The following ARMCX4 variants were observed in gnomAD, a reference collection of about 807,000 sequenced individuals.
ARMCX4 encodes the protein armadillo repeat containing X-linked 4.
Under a neutral mutation model 34.7 loss-of-function variants are expected in ARMCX4, and 3 were observed. That is an observed-to-expected ratio of 0.09 (90% confidence interval 0.04 to 0.22). The LOEUF is 0.22. Ranked by LOEUF, ARMCX4 falls within the 10% of genes least tolerant of loss-of-function variation. ARMCX4 has a pLI of 1.00. For missense variants in ARMCX4, 1,448 were observed against 1,720.8 expected, an observed-to-expected ratio of 0.84 and a Z score of 2.81; for synonymous variants, 513 against 632.8, an observed-to-expected ratio of 0.81 and a Z score of 2.84.
chrX:101,511,762 T>G (rs1304651199), intron 11 of ARMCX4, among the ~76,000 whole-genome samples: 1 of 111,094 alleles, frequency 9.0e-6, no homozygotes, highest in Non-Finnish European at 1.9e-5. Context: ...AGGTACTTTT[T>G]ATTAGGCTAA....
At chrX:101,528,383 A>C (rs181923056) in intron 11 of ARMCX4, among the ~76,000 whole-genome samples, 39 of 112,182 alleles carry the variant, frequency 3.5e-4, no homozygotes, top group African/African-American at 1.1e-3. Flanking sequence ...TGTCATACTG[A>C]ATGGCAAAAA....
upstream of ARMCX4, among the ~76,000 whole-genome samples, chrX:101,484,708 T>C (rs1933612949): frequency 8.9e-6 from 1 of 112,484 alleles, no homozygotes; most frequent in Non-Finnish European, 1.9e-5. Flanking sequence ...TAGGACAATT[T>C]TGTATTTAAA....
At chrX:101,533,134 T>A (rs1301324851) in exon 13 of ARMCX4, 1 of 108,745 alleles carries the variant, frequency 9.2e-6, no homozygotes, top group African/African-American at 3.3e-5. Flanking sequence ...TTGGGTTTGG[T>A]CAATGGAATG....
intron 11 of ARMCX4, among the ~76,000 whole-genome samples, chrX:101,526,118 G>A (rs1346013981): frequency 1.3e-4 from 15 of 112,155 alleles, no homozygotes; most frequent in African/African-American, 4.9e-4. Flanking sequence ...AAGCTCATCA[G>A]ACTAACAGGG....
intron 11 of ARMCX4, among the ~76,000 whole-genome samples, chrX:101,520,613 CCTT>C (rs1200004835): frequency 9.0e-6 from 1 of 111,445 alleles, no homozygotes; most frequent in Non-Finnish European, 1.9e-5. Flanking sequence ...TGGGGTAAAT[CCTT>C]CTTGGTCGTG....
At chrX:101,446,501 G>T (rs1555998083), downstream of ARMCX4, among the ~76,000 whole-genome samples, 2 of 111,927 alleles carry the variant, frequency 1.8e-5, no homozygotes, top group African/African-American at 6.5e-5. Flanking sequence ...TTGTTTGAAA[G>T]TCCCTTATGA....
At chrX:101,462,226 C>G (rs1311014056) in intron 4 of ARMCX4, among the ~76,000 whole-genome samples, 2 of 111,848 alleles carry the variant, frequency 1.8e-5, no homozygotes, top group Non-Finnish European at 3.8e-5. Context: ...GAACATGCAC[C>G]TATTTTCAGT....
At chrX:101,439,735 C>T (rs1472088532) in intron 2 of ARMCX4, among the ~76,000 whole-genome samples, 2 of 111,772 alleles carry the variant, frequency 1.8e-5, no homozygotes, top group Non-Finnish European at 3.8e-5. Flanking sequence ...TTTGACCTTC[C>T]ATCACTGATA....
intron 10 of ARMCX4, among the ~76,000 whole-genome samples, chrX:101,510,367 C>T (rs1473312897): frequency 8.9e-6 from 1 of 111,886 alleles, no homozygotes; most frequent in Non-Finnish European, 1.9e-5. Flanking sequence ...TTAGAAAGCT[C>T]TCTTCCAATG....
downstream of ARMCX4, among the ~76,000 whole-genome samples, chrX:101,533,675 A>C (rs1935171467): frequency 8.9e-6 from 1 of 112,307 alleles, no homozygotes; most frequent in African/African-American, 3.2e-5. Flanking sequence ...TCACTGAAGT[A>C]AGAATAGGTG....
intron 2 of ARMCX4, among the ~76,000 whole-genome samples, chrX:101,420,847 A>G (rs1210598204): frequency 8.9e-6 from 1 of 112,425 alleles, no homozygotes; most frequent in Admixed American, 9.4e-5. Context: ...TCTATATCCT[A>G]AGAGCCATTG....
chrX:101,479,332 ACACACACACAC>A (rs1556004928), intron 4 of ARMCX4, among the ~76,000 whole-genome samples: 1 of 104,699 alleles, frequency 9.6e-6, no homozygotes, highest in African/African-American at 3.8e-5. Context: ...ACACACACAC[ACACACACACAC>A]ACACACACAC....
At chrX:101,452,908 A>G (rs782485397) in intron 4 of ARMCX4, among the ~76,000 whole-genome samples, 2 of 106,311 alleles carry the variant, frequency 1.9e-5, no homozygotes, top group African/African-American at 6.7e-5. Flanking sequence ...AGGAGGTAGT[A>G]GGGAGGGAGA....
chrX:101,519,408 A>T (rs1327301002), intron 11 of ARMCX4, among the ~76,000 whole-genome samples: 1 of 111,537 alleles, frequency 9.0e-6, no homozygotes, highest in Non-Finnish European at 1.9e-5. Context: ...TATAAGTGGA[A>T]TCCTACAGTA....
rs1244066811 is a variant in ARMCX4, at chrX:101,531,807, T to C, written c.*1944T>C. On this transcript the variant is annotated 3_prime_UTR_variant and NMD_transcript_variant, in exon 12 of 13. Transcript: ENST00000354842. Reference sequence around the variant, plus strand: ...TTAGGGGCATCAGCCAGTCCCATGGTGTTAGGATTATTACATGGGACACCT... The same window carrying C: ...TTAGGGGCATCAGCCAGTCCCATGGCGTTAGGATTATTACATGGGACACCT... The C allele has an allele frequency of 2.7e-5, 3 of 111,653 alleles. No homozygotes were observed. The Admixed American group carries it at 2.9e-4, about 11-fold the overall frequency. 9.2% of individuals were successfully genotyped at this position (111,653 alleles called of 1,213,427 possible).
rs782240524 is a variant in ARMCX4 at position 101,439,346 on chromosome X, A to C, written n.165-4706A>C. 4.2e-3 allele frequency among the ~76,000 whole-genome samples: 465 copies of C among 111,745 alleles called. 5 individuals carry two copies. Among genetic ancestry groups the C allele is most frequent in the African/African-American group, 0.015 (448 of 30,762 alleles). On this transcript the variant is annotated intron_variant and non_coding_transcript_variant, in intron 2 of 3. Transcript: ENST00000430461. ...AGTTTCTGCCGAGAGATCCGCTGTT[A>C]GTCTGATGGGCTTCCCTTTGTGGGT...
chrX:101,500,294 T>C (rs185455629), downstream of ARMCX4, among the ~76,000 whole-genome samples: 99 of 111,398 alleles, frequency 8.9e-4, 1 homozygote, highest in African/African-American at 2.8e-3. Context: ...ATAGACATAG[T>C]TGGTTAGTTG....
intron 4 of ARMCX4, among the ~76,000 whole-genome samples, chrX:101,480,399 C>A (rs1030287276): frequency 2.7e-5 from 3 of 110,087 alleles, no homozygotes; most frequent in African/African-American, 9.9e-5. Context: ...GAGACCCTGT[C>A]TCTACAAAAC....
At chrX:101,499,903 A>G (rs900534945), downstream of ARMCX4, among the ~76,000 whole-genome samples, 6 of 112,052 alleles carry the variant, frequency 5.4e-5, no homozygotes, top group Middle Eastern at 0.014. Context: ...ATAAAAAGTC[A>G]TAATTACTTA....
Sources: gnomAD v4.1 joint callset for allele counts (sites outside exome capture counted in the v4.1 genomes callset) on GRCh38, gnomAD v4.1.1 for gene constraint, MANE v1.5 for transcripts, NCBI Gene and HGNC (gene_info 2026-07-23, HGNC 2026-07-21) for gene names.